The following HPS1 variants were observed in gnomAD, a reference collection of about 807,000 sequenced individuals.
HPS1 encodes BLOC-3 complex member HPS1.
In HPS1, 59 loss-of-function variants were observed where a neutral mutation model predicts 90.6. That is an observed-to-expected ratio of 0.65 (90% CI 0.53 to 0.81). HPS1 has a LOEUF of 0.81. HPS1 is among the 30% of genes least tolerant of loss of function. The probability of loss-of-function intolerance (pLI) is 0.00; values close to 1 mark genes in which losing one functional copy is unlikely to be tolerated. For synonymous variants in HPS1, 388 were observed against 384.4 expected (o/e 1.01, Z -0.11); for missense variants, 849 against 896.7 (o/e 0.95, Z 0.68).
intron 3 of HPS1, among the ~76,000 whole-genome samples, chr10:98,441,663 A>G (rs1938444472): frequency 6.6e-6 from 1 of 152,374 alleles, no homozygotes; most frequent in Middle Eastern, 3.4e-3. Flanking sequence ...AAACTCAGTA[A>G]GAATAAGAAG....
At position 98,417,334 on chromosome 10, in the gene HPS1, C is replaced by T; in HGVS notation, c.*230G>A. The T allele has an allele frequency of 4.1e-6, 2 of 489,448 alleles. No homozygotes were observed. The highest frequency in any genetic ancestry group is 7.2e-6 in the Non-Finnish European group (2 of 276,430). The allele number at this position is 489,448 out of a possible 1,614,324, so 30.3% of individuals were successfully genotyped here. On this transcript the variant is annotated 3_prime_UTR_variant, in exon 20 of 20. Coordinates refer to ENST00000361490, the MANE Select transcript of HPS1 (RefSeq NM_000195.5). This position sits in a 1 kb window ranked among gnomAD's most constrained non-coding sequence, Gnocchi z 4.2. ...GCTGTTGCCACCGTTGTTTTACAAA[C>T]AGGACCCCTGGGCTTCCCTCTTCCT... is the stretch of plus-strand genomic sequence containing the variant.
intron 19 of HPS1, 117 bp downstream of exon 19, chr10:98,418,058 G>A (rs1281417439): frequency 1.8e-5 from 13 of 730,698 alleles, no homozygotes; most frequent in Admixed American, 8.8e-5. Context: ...TGTTCCCAGC[G>A]TGGATTTCTG....
Position 98,420,132 on chromosome 10 carries a change from G to T in HPS1, c.1770C>A (p.Arg590=), listed in dbSNP as rs1452428312. Residue 590 remains arginine (R), a synonymous_variant, in exon 18 of 20, where the codon CGC becomes CGA. Transcript: ENST00000361490. ...TKVWSLIQLA[R]RYLQKGYTTL... The stretch of plus-strand genomic sequence containing the variant: ...TGGTGTAGCCCTTCTGCAGGTATCT[G>T]CGCGCCAGCTGGATCAGAGACCAGA... 1.2e-6 allele frequency: 2 copies of T among 1,613,804 alleles called. No individual in the cohort carries two copies.
intron 6 of HPS1, among the ~76,000 whole-genome samples, chr10:98,433,231 C>CAAA (rs35145578): frequency 4.7e-5 from 4 of 85,390 alleles, no homozygotes; most frequent in South Asian, 4.0e-4. Context: ...GACTCCATCT[C>CAAA]AAAAAAAAAA....
Position 98,431,219 on chromosome 10 carries a change from C to A in HPS1, c.580G>T (p.Ala194Ser). 1.2e-6 allele frequency: 2 copies of A among 1,614,078 alleles called. No homozygotes were observed. The highest frequency in any genetic ancestry group is 1.7e-6 in the Non-Finnish European group (2 of 1,180,048). The change falls in exon 7 of 20, where the codon GCT (alanine) becomes TCT (serine). Residue 194 changes from alanine to serine, a missense_variant. Physicochemically the swap from Ala to Ser is moderately conservative, Grantham distance 99 (BLOSUM62 1). Coordinates refer to ENST00000361490, the MANE Select transcript of HPS1 (RefSeq NM_000195.5). ...CCCCGCTCGGGGCTGGTGTTGACAG[C>A]CTGGATGACGTGCCGCTCCAGCGCC... ...IEALERHVIQ[A>S]VNTSPERGGE...
Position 98,435,279 on chromosome 10 carries a change from G to A in HPS1, c.391C>T (p.Arg131Ter), listed in dbSNP as rs281865076. The A allele has an allele frequency of 2.5e-6, 4 of 1,613,924 alleles. No homozygotes were observed. Among genetic ancestry groups the A allele is most frequent in the Admixed American group, 1.7e-5 (1 of 59,996 alleles). The change falls in exon 5 of 20, where the codon CGA (arginine) becomes TGA (stop). Residue 131 changes from arginine (R) to a stop codon, truncating the protein, a stop_gained. Transcript: ENST00000361490. LOFTEE classifies it high-confidence loss of function. This position sits in a 1 kb window ranked among gnomAD's most constrained non-coding sequence, Gnocchi z 4.3. ...CCAGCTTTGAAGACTCACTCCTTTC[G>A]GATAAGATGACCGTCCACAGTCACC... ...GLVTVDGHLI[R>*]KELRPPDLAQ... is the part of the protein sequence containing the mutation.
chr10:98,427,318 T>C, intron 10 of HPS1, 54 bp from the exon 11 acceptor site: 1 of 1,445,980 alleles, frequency 6.9e-7, no homozygotes, highest in South Asian at 1.2e-5. Flanking sequence ...ATGTAAGCAA[T>C]GGCTCAACAG....
chr10:98,417,725 T>C lies in HPS1; in HGVS notation c.1942A>G (p.Lys648Glu), dbSNP rs1325887747. 6.2e-7 allele frequency: 1 copy of C among 1,613,592 alleles called. No individual in the cohort carries two copies. The highest frequency in any genetic ancestry group is 2.2e-5 in the East Asian group (1 of 44,858). ...IGMLGGDYYR[K>E]LLRYYSKNRP... ...TTCTTGCTGTAGTAGCGCAGGAGCT[T>C]CCTGGGGAGGAAGGGGAGGATGGGA... The change falls in exon 20 of 20, where the codon AAG (lysine) becomes GAG (glutamate). Residue 648 changes from lysine (K) to glutamate (E), a missense_variant and splice_region_variant. Transcript: ENST00000361490. This position sits in a 1 kb window ranked among gnomAD's most constrained non-coding sequence, Gnocchi z 4.2.
At chr10:98,420,361 G>A (rs539165915) in intron 17 of HPS1, 10 of 578,636 alleles carry the variant, frequency 1.7e-5, no homozygotes, top group South Asian at 3.7e-5. Context: ...TCCAGTTAGC[G>A]TGGGGGCAAA....
Position 98,420,015 on chromosome 10 carries a change from G to A in HPS1, c.1857+30C>T, listed in dbSNP as rs114838943. 4,983 of 1,385,202 alleles carry A rather than the reference G, an allele frequency of 3.6e-3. 148 individuals are homozygous for A. In the African/African-American group the frequency reaches 0.065, roughly 18 times the overall value. 85.8% of individuals were successfully genotyped at this position (1,385,202 alleles called of 1,614,324 possible). On this transcript the variant is annotated intron_variant, in intron 18 of 19. Coordinates refer to ENST00000361490, the MANE Select transcript of HPS1 (RefSeq NM_000195.5). ...ACAGAGCGGGAAGTGTGTGTGGCCC[G>A]TCCTGGCCCAGGGACTCAGCCTCAC...
intron 8 of HPS1, 114 bp from the exon 9 acceptor site, chr10:98,430,003 T>A: frequency 1.1e-6 from 1 of 879,162 alleles, no homozygotes. Flanking sequence ...CTCCACCCGT[T>A]CCGGGTGCAG....
chr10:98,427,554 CA>C (rs887614713), intron 10 of HPS1, among the ~76,000 whole-genome samples: 9 of 152,268 alleles, frequency 5.9e-5, no homozygotes, highest in African/African-American at 1.7e-4. Flanking sequence ...TAATGGTGGT[CA>C]GGGGGTAGAG....
intron 13 of HPS1, among the ~76,000 whole-genome samples, 153 bp from the exon 14 acceptor site, chr10:98,424,527 C>T (rs1213638997): frequency 2.6e-5 from 4 of 152,212 alleles, no homozygotes. Context: ...CAGGCCCCAC[C>T]AGCCCCCTGC....
chr10:98,446,613 C>A (rs10883097), intron 1 of HPS1, among the ~76,000 whole-genome samples, 194 bp downstream of exon 1: 19,192 of 151,948 alleles, frequency 0.13, 1,363 homozygotes, highest in Non-Finnish European at 0.16. Context: ...TGTCCAGTTT[C>A]ACCCCAAATC....
chr10:98,415,915 T>C (rs990412316), downstream of HPS1, among the ~76,000 whole-genome samples: 2 of 152,226 alleles, frequency 1.3e-5, no homozygotes, highest in Non-Finnish European at 2.9e-5. Flanking sequence ...CATCTGTAAA[T>C]ACCTCCAGCT....
chr10:98,418,046 G>A (rs1591006068), intron 19 of HPS1, 129 bp downstream of exon 19: 1 of 704,168 alleles, frequency 1.4e-6, no homozygotes, highest in South Asian at 1.7e-5. Flanking sequence ...CAGCCGGGAA[G>A]GTGTTCCCAG....
chr10:98,415,485 T>C (rs569636256), downstream of HPS1, among the ~76,000 whole-genome samples: 78 of 152,316 alleles, frequency 5.1e-4, no homozygotes, highest in South Asian at 0.011. Context: ...GCTGCGGGGT[T>C]AGGGAATGAG....
intron 10 of HPS1, among the ~76,000 whole-genome samples, chr10:98,428,320 G>T (rs933521847): frequency 6.6e-6 from 1 of 152,242 alleles, no homozygotes; most frequent in African/African-American, 2.4e-5. Flanking sequence ...CCAGGGCATA[G>T]CTCAGACCAA....
intron 10 of HPS1, among the ~76,000 whole-genome samples, chr10:98,427,645 C>T (rs1224616279): frequency 6.6e-6 from 1 of 152,170 alleles, no homozygotes; most frequent in African/African-American, 2.4e-5. Context: ...TCAACCCGCC[C>T]CTCAGGAGTC....
Sources: gnomAD v4.1 joint callset for allele counts (sites outside exome capture counted in the v4.1 genomes callset) on GRCh38, gnomAD v4.1.1 for gene constraint, Gnocchi (gnomAD v3.1) non-coding constraint, MANE v1.5 for transcripts, NCBI Gene and HGNC (gene_info 2026-07-23, HGNC 2026-07-21) for gene names.